The following EDIL3 variants were observed in gnomAD, a reference collection of about 807,000 sequenced individuals.
EDIL3 encodes the protein EGF-like repeat and discoidin I-like domain-containing protein 3.
A neutral mutation model predicts 67.4 loss-of-function variants in EDIL3; 37 were observed. That is an observed-to-expected ratio of 0.55 (90% confidence interval 0.42 to 0.72). EDIL3 has a LOEUF of 0.72. Among genes scored for constraint, EDIL3 ranks in the 30% least tolerant of loss-of-function variants. EDIL3 has a pLI of 0.00. For missense variants in EDIL3, 527 were observed against 586.3 expected (o/e 0.90, Z 1.04); for synonymous variants, 195 against 196.3 (o/e 0.99, Z 0.05).
At position 83,941,492 on chromosome 5, in the gene EDIL3, A is replaced by G. The variant is rs1035367174; in HGVS notation, c.*1927T>C. ...GAAGGTATGTAATTTGCAAAGGAAA[A>G]TGGCTAGATATCTGATGGGACAGTA... On this transcript the variant is annotated 3_prime_UTR_variant, in exon 11 of 11. Coordinates refer to ENST00000296591, the MANE Select transcript of EDIL3 (RefSeq NM_005711.5). The G allele has an allele frequency of 6.6e-6, 1 of 152,060 alleles. No individual in the cohort carries two copies. The highest frequency in any genetic ancestry group is 1.5e-5 in the Non-Finnish European group (1 of 67,924). The allele number at this position is 152,060 out of a possible 1,614,324, so 9.4% of individuals were successfully genotyped here. A position where few individuals can be genotyped will look rare whatever the true frequency, so the allele number is the denominator to read the frequency against.
At chr5:84,182,055 A>G (rs1749022491) in intron 3 of EDIL3, among the ~76,000 whole-genome samples, 1 of 152,058 alleles carries the variant, frequency 6.6e-6, no homozygotes, top group African/African-American at 2.4e-5. Context: ...TAATAACTTG[A>G]GTCAACTGGG....
intron 1 of EDIL3, among the ~76,000 whole-genome samples, chr5:84,315,397 A>G (rs551182444): frequency 6.6e-6 from 1 of 152,214 alleles, no homozygotes; most frequent in East Asian, 1.9e-4. Flanking sequence ...ATAACCAATT[A>G]GAGGTAGAGG....
intron 4 of EDIL3, among the ~76,000 whole-genome samples, chr5:84,165,942 T>C (rs1208841639): frequency 2.0e-5 from 3 of 152,154 alleles, no homozygotes; most frequent in East Asian, 1.9e-4. Context: ...CTCCTACATA[T>C]TTATCAATCA....
chr5:84,102,847 T>G (rs1198074467), intron 6 of EDIL3, among the ~76,000 whole-genome samples: 2 of 152,052 alleles, frequency 1.3e-5, no homozygotes, highest in East Asian at 3.9e-4. Flanking sequence ...AAACTCCCAA[T>G]GACATTATTC....
At chr5:84,035,370 A>G (rs1746003906) in intron 9 of EDIL3, among the ~76,000 whole-genome samples, 1 of 152,128 alleles carries the variant, frequency 6.6e-6, no homozygotes, top group Non-Finnish European at 1.5e-5. Flanking sequence ...TTAATATTAA[A>G]TAATGTATTT....
At chr5:84,046,771 A>C (rs747232789) in intron 9 of EDIL3, among the ~76,000 whole-genome samples, 1 of 152,202 alleles carries the variant, frequency 6.6e-6, no homozygotes, top group Non-Finnish European at 1.5e-5. Flanking sequence ...CCACAAACGA[A>C]AATTCATTTG....
chr5:83,967,632 C>A (rs1216998910), intron 9 of EDIL3, among the ~76,000 whole-genome samples: 1 of 152,096 alleles, frequency 6.6e-6, no homozygotes, highest in Non-Finnish European at 1.5e-5. Context: ...GTGTGTCTAA[C>A]TTAGACAAAT....
chr5:84,066,234 C>T (rs750544397), intron 7 of EDIL3, among the ~76,000 whole-genome samples: 39 of 151,992 alleles, frequency 2.6e-4, no homozygotes, highest in Non-Finnish European at 4.6e-4. Context: ...TGTAGCACCA[C>T]CAATTAAAAT....
chr5:84,244,512 C>T (rs1001131483), intron 2 of EDIL3, among the ~76,000 whole-genome samples: 3 of 150,864 alleles, frequency 2.0e-5, no homozygotes, highest in Non-Finnish European at 4.4e-5. Flanking sequence ...TGGTCTTAAA[C>T]CCCTGAACTC....
intron 1 of EDIL3, among the ~76,000 whole-genome samples, chr5:84,369,323 A>C (rs1747799802): frequency 6.6e-6 from 1 of 152,020 alleles, no homozygotes; most frequent in Non-Finnish European, 1.5e-5. Context: ...AGGGAATAGT[A>C]TACTATTTTG....
chr5:84,273,363 A>G (rs938491795), intron 1 of EDIL3, among the ~76,000 whole-genome samples: 2 of 152,030 alleles, frequency 1.3e-5, no homozygotes, highest in Admixed American at 6.5e-5. Context: ...GCAGAGCAAC[A>G]TGAATCTGCT....
chr5:84,339,935 T>C (rs1249994611), intron 1 of EDIL3, among the ~76,000 whole-genome samples: 1 of 152,042 alleles, frequency 6.6e-6, no homozygotes, highest in Non-Finnish European at 1.5e-5. Context: ...ACAATATCTG[T>C]AAGTACAGAA....
At chr5:84,091,328 C>T (rs1198203496) in intron 6 of EDIL3, among the ~76,000 whole-genome samples, 1 of 152,218 alleles carries the variant, frequency 6.6e-6, no homozygotes, top group Non-Finnish European at 1.5e-5. Flanking sequence ...GCACATAGTG[C>T]TGAAGTGCTA....
At chr5:84,358,022 T>C (rs1747523190) in intron 1 of EDIL3, among the ~76,000 whole-genome samples, 1 of 152,000 alleles carries the variant, frequency 6.6e-6, no homozygotes, top group East Asian at 1.9e-4. Flanking sequence ...TGAAGGTTTA[T>C]ACAGAAATCT....
intron 9 of EDIL3, among the ~76,000 whole-genome samples, chr5:84,002,656 A>AGAAATCAAG (rs1430062436): frequency 1.3e-5 from 2 of 152,258 alleles, no homozygotes; most frequent in Admixed American, 6.5e-5. Context: ...TACCTGAAAA[A>AGAAATCAAG]GAAATCAAGA....
chr5:84,290,282 T>C (rs1276681239), intron 1 of EDIL3, among the ~76,000 whole-genome samples: 1 of 152,138 alleles, frequency 6.6e-6, no homozygotes, highest in African/African-American at 2.4e-5. Context: ...CCCATGACAC[T>C]ATCTGAGAGC....
intron 1 of EDIL3, among the ~76,000 whole-genome samples, chr5:84,325,222 T>G (rs1746734193): frequency 6.6e-6 from 1 of 151,926 alleles, no homozygotes; most frequent in Non-Finnish European, 1.5e-5. Context: ...TTATAAATCA[T>G]ATATCTAAAA....
At chr5:83,973,270 A>T (rs919275704) in intron 9 of EDIL3, among the ~76,000 whole-genome samples, 2 of 152,082 alleles carry the variant, frequency 1.3e-5, no homozygotes, top group Non-Finnish European at 2.9e-5. Flanking sequence ...GGTCATTATT[A>T]ATTGATTAAT....
At chr5:84,161,367 G>A (rs941899633) in intron 4 of EDIL3, among the ~76,000 whole-genome samples, 3 of 151,814 alleles carry the variant, frequency 2.0e-5, no homozygotes, top group Non-Finnish European at 4.4e-5. Flanking sequence ...CTTAACTCGG[G>A]TCTAGTTATC....
Sources: allele counts gnomAD v4.1 joint callset (sites outside exome capture counted in the v4.1 genomes callset), GRCh38; gene constraint gnomAD v4.1.1; transcripts MANE v1.5; gene names NCBI Gene and HGNC (gene_info 2026-07-23, HGNC 2026-07-21).